The following NR3C1 variants were observed in gnomAD, a reference collection of about 807,000 sequenced individuals.
NR3C1 encodes nuclear receptor subfamily 3 group C member 1, also known as glucocorticoid receptor.
A neutral mutation model predicts 74.0 loss-of-function variants in NR3C1; 14 were observed. The ratio of observed to expected loss-of-function variants is 0.19; its 90% confidence interval spans 0.12 to 0.30. NR3C1 has a LOEUF of 0.30. Ranked by LOEUF, NR3C1 falls within the 10% of genes least tolerant of loss-of-function variation. NR3C1 has a pLI of 1.00. For synonymous variants in NR3C1, 308 were observed against 332.5 expected (o/e 0.93, Z 0.80); for missense variants, 695 against 909.8 (o/e 0.76, Z 3.04).
chr5:143,392,519 GT>G (rs200004760), intron 2 of NR3C1, among the ~76,000 whole-genome samples: 41 of 149,144 alleles, frequency 2.7e-4, no homozygotes, highest in East Asian at 3.9e-4. Context: ...AGGTTTCCTG[GT>G]TTTTTTTTTC....
chr5:143,287,756 A>T (rs537023966), intron 7 of NR3C1, among the ~76,000 whole-genome samples: 1 of 152,314 alleles, frequency 6.6e-6, no homozygotes, highest in East Asian at 1.9e-4. Flanking sequence ...ATGATCAGCA[A>T]AATATTAGCA....
chr5:143,314,411 ACTT>A lies in NR3C1; in HGVS notation c.1185-246_1185-244del, dbSNP rs572436978. On this transcript the variant is annotated intron_variant, in intron 2 of 8. Transcript: ENST00000394464. ...AAATAGAATGGTGTGGTTCTGGTTC[ACTT>A]CTTCTTCTTTTTTTTTTTTTTTTTA... is the stretch of plus-strand genomic sequence containing the variant. Among the ~76,000 whole-genome samples, 1,066 of 147,136 alleles carry A rather than the reference ACTT, an allele frequency of 7.2e-3. 5 individuals are homozygous for A. Among genetic ancestry groups the A allele is most frequent in the Non-Finnish European group, 0.012 (785 of 66,840 alleles).
chr5:143,323,260 G>A (rs1823761927), intron 2 of NR3C1, among the ~76,000 whole-genome samples: 1 of 152,168 alleles, frequency 6.6e-6, no homozygotes, highest in Non-Finnish European at 1.5e-5. Flanking sequence ...AGAAAAAGAG[G>A]TTTAATTGGA....
intron 1 of NR3C1, among the ~76,000 whole-genome samples, chr5:143,431,143 G>T (rs896083366): frequency 2.0e-5 from 3 of 152,128 alleles, no homozygotes; most frequent in African/African-American, 7.2e-5. Flanking sequence ...CATGGTTTAG[G>T]ATACCAGGGT....
chr5:143,388,351 T>C (rs985383787), intron 2 of NR3C1, among the ~76,000 whole-genome samples: 12 of 152,224 alleles, frequency 7.9e-5, no homozygotes, highest in Admixed American at 4.6e-4. Flanking sequence ...GCTGACATTT[T>C]CCTCACTCGA....
At chr5:143,369,463 A>G (rs1270417392) in intron 2 of NR3C1, among the ~76,000 whole-genome samples, 2 of 152,252 alleles carry the variant, frequency 1.3e-5, no homozygotes, top group East Asian at 3.8e-4. Context: ...TCAGCTAAGG[A>G]GTGGATAGAC....
intron 2 of NR3C1, among the ~76,000 whole-genome samples, chr5:143,324,993 T>TCAA (rs1185072284): frequency 6.6e-6 from 1 of 152,220 alleles, no homozygotes; most frequent in Non-Finnish European, 1.5e-5. Context: ...AGCATGTTGG[T>TCAA]CAAAGCCATT....
At chr5:143,428,526 T>G (rs1217407209) in intron 1 of NR3C1, among the ~76,000 whole-genome samples, 1 of 152,216 alleles carries the variant, frequency 6.6e-6, no homozygotes, top group Non-Finnish European at 1.5e-5. Flanking sequence ...AATTCTCTCT[T>G]GCCTTACCAT....
chr5:143,306,428 GCATACGTA>G (rs955670155), intron 4 of NR3C1, among the ~76,000 whole-genome samples: 1 of 152,150 alleles, frequency 6.6e-6, no homozygotes, highest in African/African-American at 2.4e-5. Flanking sequence ...AAGATTCCTG[GCATACGTA>G]CATACCAGGC....
intron 1 of NR3C1, chr5:143,401,129 G>A (rs2151942884): frequency 2.1e-6 from 1 of 472,726 alleles, no homozygotes; most frequent in Non-Finnish European, 3.9e-6. Flanking sequence ...TCATCCTGCC[G>A]CTCACTGAAC....
intron 2 of NR3C1, among the ~76,000 whole-genome samples, chr5:143,388,561 GAC>G (rs950815865): frequency 1.3e-5 from 2 of 152,148 alleles, no homozygotes; most frequent in African/African-American, 4.8e-5. Flanking sequence ...GAGCAGATAA[GAC>G]ACAAATAGAT....
upstream of NR3C1, chr5:143,407,420 A>G (rs1333313758): frequency 6.6e-6 from 1 of 152,128 alleles, no homozygotes; most frequent in African/African-American, 2.4e-5. Flanking sequence ...TAGATTCTTG[A>G]TTGTATGTTC....
Position 143,334,350 on chromosome 5 carries a change from C to T in NR3C1, c.1185-20182G>A, listed in dbSNP as rs1161899832. ...TGAGCTGAGATCACGCCATTGCACT[C>T]CAGCCTGGGCAACAAGCGAAACTCT... On this transcript the variant is annotated intron_variant, in intron 2 of 8. Transcript: ENST00000394464. Among the ~76,000 whole-genome samples the T allele has an allele frequency of 4.6e-5, 7 of 152,026 alleles. 1 individual carries two copies. The highest frequency in any genetic ancestry group is 1.7e-4 in the African/African-American group (7 of 41,376).
intron 2 of NR3C1, among the ~76,000 whole-genome samples, chr5:143,391,327 T>A (rs1313308007): frequency 1.3e-5 from 2 of 152,184 alleles, no homozygotes; most frequent in Non-Finnish European, 2.9e-5. Context: ...AACAAGTCAG[T>A]GCAGTCAAGT....
chr5:143,376,445 C>T (rs1193470154), intron 2 of NR3C1, among the ~76,000 whole-genome samples: 1 of 152,200 alleles, frequency 6.6e-6, no homozygotes, highest in Non-Finnish European at 1.5e-5. Context: ...CTCTATATGT[C>T]CACGTTCCTT....
intron 4 of NR3C1, among the ~76,000 whole-genome samples, chr5:143,305,164 T>C (rs1209986021): frequency 6.6e-6 from 1 of 152,104 alleles, no homozygotes; most frequent in African/African-American, 2.4e-5. Flanking sequence ...TATATGGAAC[T>C]TAAATTAACA....
upstream of NR3C1, among the ~76,000 whole-genome samples, chr5:143,404,915 C>A (rs987042350): frequency 6.6e-6 from 1 of 152,188 alleles, no homozygotes; most frequent in African/African-American, 2.4e-5. Context: ...GGACCCCTGC[C>A]CCTACAAATA....
At chr5:143,430,665 C>A (rs1439262838) in intron 1 of NR3C1, among the ~76,000 whole-genome samples, 1 of 152,130 alleles carries the variant, frequency 6.6e-6, no homozygotes, top group Non-Finnish European at 1.5e-5. Context: ...AGACAGCGGG[C>A]TATGAACTAG....
intron 7 of NR3C1, among the ~76,000 whole-genome samples, chr5:143,291,032 A>G (rs780165839): frequency 1.5e-4 from 22 of 151,402 alleles, no homozygotes; most frequent in African/African-American, 2.4e-4. Context: ...TCTTCCCCCA[A>G]TGGTTTGGTA....
Sources: allele counts gnomAD v4.1 joint callset (sites outside exome capture counted in the v4.1 genomes callset), GRCh38; gene constraint gnomAD v4.1.1; transcripts MANE v1.5; gene names NCBI Gene and HGNC (gene_info 2026-07-23, HGNC 2026-07-21).